The following CNTNAP3B variants were observed in gnomAD, a reference collection of about 807,000 sequenced individuals.
CNTNAP3B encodes contactin associated protein family member 3B, also known as contactin-associated protein-like 3B.
In CNTNAP3B, 25 loss-of-function variants were observed where a neutral mutation model predicts 108.9. The observed-to-expected ratio is 0.23, with a 90% CI of 0.17 to 0.32. CNTNAP3B has a LOEUF of 0.32. Among genes scored for constraint, CNTNAP3B ranks in the 10% least tolerant of loss-of-function variants. The pLI is 1.00. For missense variants in CNTNAP3B, 252 were observed against 1,210.4 expected, an observed-to-expected ratio of 0.21 and a Z score of 11.75; for synonymous variants, 103 against 473.4, an observed-to-expected ratio of 0.22 and a Z score of 10.16.
chr9:42,018,047 G>A (rs1826244524), intron 3 of CNTNAP3B, among the ~76,000 whole-genome samples: 2 of 124,528 alleles, frequency 1.6e-5, no homozygotes, highest in African/African-American at 6.7e-5. Context: ...TAAGTATATA[G>A]CATTAATAAT....
rs1823763449 is a variant in CNTNAP3B, at chr9:41,924,678, C to CACACACACACACACACAT, written c.2366-586_2366-585insATGTGTGTGTGTGTGTGT. On this transcript the variant is annotated intron_variant, in intron 15 of 23. Transcript: ENST00000377561. ...ACACACACACACACACACACACACA[C>CACACACACACACACACAT]ACACACACACACAGTCTTAATTCCT... is the stretch of plus-strand genomic sequence containing the variant. Among the ~76,000 whole-genome samples the CACACACACACACACACAT allele has an allele frequency of 1.2e-3, 152 of 123,580 alleles. 1 individual carries two copies. The highest frequency in any genetic ancestry group is 1.5e-3 in the Non-Finnish European group (82 of 56,294). 81.1% of individuals were successfully genotyped at this position (123,580 alleles called of 152,430 possible). A position where few individuals can be genotyped will look rare whatever the true frequency, so the allele number is the denominator to read the frequency against.
chr9:42,018,898 A>C (rs1383818543), intron 3 of CNTNAP3B, among the ~76,000 whole-genome samples: 3 of 150,108 alleles, frequency 2.0e-5, no homozygotes, highest in Admixed American at 2.0e-4. Flanking sequence ...CTAAACTCTT[A>C]GCATAGGACT....
intron 1 of CNTNAP3B, among the ~76,000 whole-genome samples, chr9:42,116,248 A>T (rs1316105090): frequency 7.4e-6 from 1 of 135,650 alleles, no homozygotes; most frequent in Non-Finnish European, 1.6e-5. Flanking sequence ...GAAATGAAGG[A>T]AAAAATATTA....
At chr9:42,121,055 C>T (rs1828451178) in intron 1 of CNTNAP3B, among the ~76,000 whole-genome samples, 1 of 138,778 alleles carries the variant, frequency 7.2e-6, no homozygotes, top group African/African-American at 2.9e-5. Context: ...TGCAGAAACC[C>T]AGTCGCAACC....
chr9:42,110,397 G>A (rs1828172171), intron 1 of CNTNAP3B, among the ~76,000 whole-genome samples: 1 of 136,962 alleles, frequency 7.3e-6, no homozygotes, highest in Non-Finnish European at 1.6e-5. Context: ...AGGGGAAGGG[G>A]CCACCGAACT....
intron 3 of CNTNAP3B, among the ~76,000 whole-genome samples, chr9:42,073,152 CA>C (rs1235233197): frequency 2.7e-5 from 3 of 112,370 alleles, no homozygotes; most frequent in Admixed American, 9.1e-5. Context: ...AAAACCAGAC[CA>C]AAAAAAACAA....
chr9:41,957,851 C>T (rs1824914176), intron 12 of CNTNAP3B, among the ~76,000 whole-genome samples: 1 of 152,298 alleles, frequency 6.6e-6, no homozygotes, highest in Non-Finnish European at 1.5e-5. Flanking sequence ...AGCTCCGCCT[C>T]CTGGATTCAT....
In CNTNAP3B at chr9:42,128,993, C is replaced by T; in HGVS notation, c.85+17G>A. ...CAGACAGCCTAGCGCAAGTTTTAAA[C>T]CATTTGCTGTACTTACGTGGATTTC... On this transcript the variant is annotated intron_variant, in intron 1 of 23. Coordinates refer to ENST00000377561, the MANE Select transcript of CNTNAP3B (RefSeq NM_001201380.3). 1 of 1,558,692 alleles carries T rather than the reference C, an allele frequency of 6.4e-7. No individual in the cohort carries two copies. Among genetic ancestry groups the T allele is most frequent in the Non-Finnish European group, 8.6e-7 (1 of 1,159,020 alleles).
rs1379289510 is a variant in CNTNAP3B at position 42,018,630 on chromosome 9, C to T, written c.391-5105G>A. 2.5e-4 allele frequency among the ~76,000 whole-genome samples: 38 copies of T among 151,680 alleles called. 1 individual carries two copies. The highest frequency in any genetic ancestry group is 9.3e-4 in the African/African-American group (38 of 41,048). On this transcript the variant is annotated intron_variant, in intron 3 of 23. Transcript: ENST00000377561. ...CACAGAGCCCTCCCAAGGACACAGA[C>T]AGGACTGTGAGGCCACGGCTCCAGC...
chr9:41,964,828 G>A (rs1230179169), intron 10 of CNTNAP3B, among the ~76,000 whole-genome samples, 184 bp from the exon 11 acceptor site: 6 of 152,220 alleles, frequency 3.9e-5, no homozygotes, highest in East Asian at 1.9e-4. Flanking sequence ...ATATCCATTA[G>A]CATGCAGCTG....
intron 10 of CNTNAP3B, among the ~76,000 whole-genome samples, chr9:41,969,137 A>G (rs1433236999): frequency 6.6e-6 from 1 of 152,202 alleles, no homozygotes; most frequent in Non-Finnish European, 1.5e-5. Flanking sequence ...GCATTTATTT[A>G]TTCACTGAAA....
intron 2 of CNTNAP3B, among the ~76,000 whole-genome samples, chr9:42,082,967 G>A (rs28656318): frequency 0.32 from 43,948 of 137,428 alleles, 11,561 homozygotes; most frequent in South Asian, 0.43. Context: ...AATAAAAAAG[G>A]CTCAAATAGC....
At chr9:41,957,816 A>G (rs1475891058) in intron 12 of CNTNAP3B, among the ~76,000 whole-genome samples, 1 of 152,296 alleles carries the variant, frequency 6.6e-6, no homozygotes, top group Non-Finnish European at 1.5e-5. Context: ...GCTGGAGTTC[A>G]GTGGCATGAT....
intron 3 of CNTNAP3B, among the ~76,000 whole-genome samples, chr9:42,056,378 T>C (rs2118556846): frequency 7.3e-6 from 1 of 137,834 alleles, no homozygotes; most frequent in African/African-American, 2.8e-5. Flanking sequence ...TGAGACGGAG[T>C]CTTGCTCTGT....
intron 6 of CNTNAP3B, among the ~76,000 whole-genome samples, chr9:41,997,341 G>T (rs1298894555): frequency 6.6e-6 from 1 of 152,220 alleles, no homozygotes; most frequent in Non-Finnish European, 1.5e-5. Context: ...TGCATTTGTG[G>T]ATTTCCTAAA....
chr9:41,988,697 G>A (rs1251824051), intron 8 of CNTNAP3B, among the ~76,000 whole-genome samples: 1 of 135,282 alleles, frequency 7.4e-6, no homozygotes, highest in Non-Finnish European at 1.6e-5. Flanking sequence ...CATGGAATAA[G>A]CCAGTTTTAC....
rs1282535957 is a variant in CNTNAP3B, at chr9:41,934,641, G to T, written c.2237+3603C>A. On this transcript the variant is annotated intron_variant, in intron 14 of 23. Coordinates refer to ENST00000377561, the MANE Select transcript of CNTNAP3B (RefSeq NM_001201380.3). ...ATCCCTAACAATGCTTTTCATCTTT[G>T]TCTGACATAATACAGCTATATCTGC... is the stretch of plus-strand genomic sequence containing the variant. 6.6e-3 allele frequency among the ~76,000 whole-genome samples: 1,010 copies of T among 152,150 alleles called. 8 individuals are homozygous for T. The highest frequency in any genetic ancestry group is 0.023 in the African/African-American group (963 of 41,352).
chr9:42,128,112 A>C (rs1221277723), intron 1 of CNTNAP3B, among the ~76,000 whole-genome samples: 1 of 139,342 alleles, frequency 7.2e-6, no homozygotes, highest in Non-Finnish European at 1.5e-5. Context: ...TTCATTAATC[A>C]AGAAAGAAAG....
chr9:41,954,640 T>A (rs1288507077), intron 12 of CNTNAP3B, among the ~76,000 whole-genome samples: 1 of 152,288 alleles, frequency 6.6e-6, no homozygotes, highest in African/African-American at 2.4e-5. Context: ...TTCCATGGGT[T>A]CTTCCTTTAA....
Sources: gnomAD v4.1 joint callset for allele counts (sites outside exome capture counted in the v4.1 genomes callset) on GRCh38, gnomAD v4.1.1 for gene constraint, MANE v1.5 for transcripts, NCBI Gene and HGNC (gene_info 2026-07-23, HGNC 2026-07-21) for gene names.